The following CC2D2B variants were observed in gnomAD, a reference collection of about 807,000 sequenced individuals.
CC2D2B encodes the protein protein CC2D2B.
A neutral mutation model predicts 161.2 loss-of-function variants in CC2D2B; 128 were observed. The observed-to-expected ratio is 0.79, with a 90% CI of 0.69 to 0.92. CC2D2B has a LOEUF of 0.92. CC2D2B is among the 40% of genes least tolerant of loss of function. The probability of loss-of-function intolerance (pLI) is 0.00; values close to 1 mark genes in which losing one functional copy is unlikely to be tolerated. For missense variants in CC2D2B, 1,173 were observed against 1,375.1 expected (o/e 0.85, Z 2.32); for synonymous variants, 391 against 449.8 (o/e 0.87, Z 1.65).
At chr10:96,026,162 CA>C (rs1323154708) in intron 33 of CC2D2B, among the ~76,000 whole-genome samples, 1 of 152,170 alleles carries the variant, frequency 6.6e-6, no homozygotes, top group Non-Finnish European at 1.5e-5. Context: ...ACTATAAACT[CA>C]GCTAAGAAGA....
At chr10:96,022,231 G>T (rs1291411054) in intron 32 of CC2D2B, among the ~76,000 whole-genome samples, 1 of 152,108 alleles carries the variant, frequency 6.6e-6, no homozygotes, top group Non-Finnish European at 1.5e-5. Context: ...TGAGGCAGGA[G>T]AATCACTTGA....
At chr10:95,936,874 G>C (rs556054843) in intron 6 of CC2D2B, among the ~76,000 whole-genome samples, 8 of 152,172 alleles carry the variant, frequency 5.3e-5, no homozygotes, top group African/African-American at 1.7e-4. Flanking sequence ...CCCACACAAG[G>C]GGTGTTATAA....
chr10:95,996,618 C>T (rs991042051), intron 24 of CC2D2B, among the ~76,000 whole-genome samples: 1 of 152,188 alleles, frequency 6.6e-6, no homozygotes, highest in East Asian at 1.9e-4. Context: ...CATTCTTTCT[C>T]TCCTGTATGA....
At chr10:96,029,260 A>G (rs1327520951) in intron 34 of CC2D2B, among the ~76,000 whole-genome samples, 4 of 51,114 alleles carry the variant, frequency 7.8e-5, no homozygotes, top group African/African-American at 1.2e-4. Context: ...ATATATATAT[A>G]TATATATATA....
intron 6 of CC2D2B, among the ~76,000 whole-genome samples, chr10:95,928,315 A>G (rs1015332974): frequency 2.6e-5 from 4 of 152,192 alleles, no homozygotes; most frequent in African/African-American, 9.7e-5. Context: ...AAGGAAGAAA[A>G]TAAAAATCAT....
At chr10:95,993,302 C>G (rs796464430) in intron 22 of CC2D2B, among the ~76,000 whole-genome samples, 1 of 152,064 alleles carries the variant, frequency 6.6e-6, no homozygotes, top group African/African-American at 2.4e-5. Flanking sequence ...TAAGTGCCCA[C>G]GTGTATTTAG....
intron 5 of CC2D2B, among the ~76,000 whole-genome samples, chr10:95,926,609 T>C (rs2098538947): frequency 1.3e-5 from 2 of 152,024 alleles, no homozygotes; most frequent in African/African-American, 2.4e-5. Flanking sequence ...TTTTACTTAT[T>C]ATAGAATTGA....
intron 28 of CC2D2B, 54 bp downstream of exon 28, chr10:96,012,783 G>C (rs1221504521): frequency 8.9e-7 from 1 of 1,128,422 alleles, no homozygotes; most frequent in Non-Finnish European, 1.3e-6. Flanking sequence ...CATCTGTGAA[G>C]AATCACTTTT....
At chr10:96,025,174 TATATATATATAA>T (rs1449935409) in intron 33 of CC2D2B, among the ~76,000 whole-genome samples, 13 of 15,080 alleles carry the variant, frequency 8.6e-4, no homozygotes, top group South Asian at 2.3e-3. Flanking sequence ...TATATATATA[TATATATATATAA>T]AAAAAAATAT....
At chr10:95,959,638 A>G (rs1223685919) in intron 11 of CC2D2B, among the ~76,000 whole-genome samples, 1 of 152,138 alleles carries the variant, frequency 6.6e-6, no homozygotes, top group Non-Finnish European at 1.5e-5. Context: ...TTATAACCAA[A>G]TTTGGTTATT....
intron 19 of CC2D2B, among the ~76,000 whole-genome samples, chr10:95,986,933 T>A (rs149680822): frequency 6.6e-6 from 1 of 152,134 alleles, no homozygotes; most frequent in Non-Finnish European, 1.5e-5. Flanking sequence ...ATTAAAAACC[T>A]ACAGATTAGA....
chr10:95,956,374 T>G (rs1001872225), intron 11 of CC2D2B, among the ~76,000 whole-genome samples: 2 of 151,754 alleles, frequency 1.3e-5, no homozygotes, highest in African/African-American at 4.8e-5. Flanking sequence ...TTATCAAATA[T>G]AGAAAATAAT....
At chr10:95,938,322 G>T in intron 7 of CC2D2B, 133 bp downstream of exon 7, 1 of 664,812 alleles carries the variant, frequency 1.5e-6, no homozygotes, top group East Asian at 2.7e-5. Context: ...TGTTTTTCAT[G>T]ACTTCCCTGA....
rs922522825 is a variant in CC2D2B at position 96,027,328 on chromosome 10, T to C, written c.4064T>C (p.Ile1355Thr). 6 of 1,551,082 alleles carry C rather than the reference T, an allele frequency of 3.9e-6. No homozygotes were observed. The highest frequency in any genetic ancestry group is 2.4e-5 in the East Asian group (1 of 40,896). Residue 1355 changes from isoleucine to threonine, a missense_variant, in exon 34 of 35, where the codon ATA becomes ACA. Physicochemically the swap from Ile to Thr is moderately conservative, Grantham distance 89 (BLOSUM62 -1). This residue lies in a region of CC2D2B where 598 missense variants were observed against 693.2 expected (regional missense o/e 0.86). Transcript: ENST00000646931. ...ATCCTTCCTAAGCTGGAATTTGGCA[T>C]AGGAAGCTTTGTTTCATCTGAAGGA... ...RQILPKLEFG[I>T]GSFVSSEGDN...
chr10:95,947,111 ATATTT>A (rs1371603735), intron 9 of CC2D2B, among the ~76,000 whole-genome samples: 465 of 40,606 alleles, frequency 0.011, no homozygotes, highest in East Asian at 0.041. Flanking sequence ...ATATATATAT[ATATTT>A]TTTTTTTTTT....
At chr10:95,913,437 G>C (rs1423759272) in intron 2 of CC2D2B, 1 of 419,048 alleles carries the variant, frequency 2.4e-6, no homozygotes, top group Non-Finnish European at 4.7e-6. Context: ...TGGGAGTGCA[G>C]GTATGTCTTC....
chr10:96,021,283 T>C (rs1188787156), intron 32 of CC2D2B: 1 of 152,258 alleles, frequency 6.6e-6, no homozygotes, highest in Admixed American at 6.5e-5. Context: ...GGGAGACAAG[T>C]ACAACAACAT....
At chr10:95,931,876 C>T (rs200856059) in intron 6 of CC2D2B, among the ~76,000 whole-genome samples, 3 of 152,018 alleles carry the variant, frequency 2.0e-5, no homozygotes, top group East Asian at 1.9e-4. Flanking sequence ...TGGAGAGTTC[C>T]GTAGATGTCT....
intron 15 of CC2D2B, among the ~76,000 whole-genome samples, chr10:95,970,127 T>C (rs1336970761): frequency 6.6e-6 from 1 of 151,730 alleles, no homozygotes; most frequent in East Asian, 1.9e-4. Flanking sequence ...CTCCACTTCC[T>C]GGGTTCAACC....
Sources: gnomAD v4.1 joint callset for allele counts (sites outside exome capture counted in the v4.1 genomes callset) on GRCh38, gnomAD v4.1.1 for gene constraint, gnomAD v4.1.1 regional missense constraint, MANE v1.5 for transcripts, NCBI Gene and HGNC (gene_info 2026-07-23, HGNC 2026-07-21) for gene names.